FHIT: variants seen among roughly 807,000 people sequenced by gnomAD.
FHIT encodes bis(5'-adenosyl)-triphosphatase.
Under a neutral mutation model 17.9 loss-of-function variants are expected in FHIT, and 19 were observed. The observed-to-expected ratio is 1.06, with a 90% CI of 0.74 to 1.56. The LOEUF (loss-of-function observed/expected upper bound fraction) is 1.56, where lower values mean the gene tolerates loss of function less well. FHIT is among the 40% of genes most tolerant of loss of function. FHIT has a pLI of 0.00. For missense variants in FHIT, 248 were observed against 189.2 expected (o/e 1.31, Z -1.82); for synonymous variants, 81 against 69.7 (o/e 1.16, Z -0.81).
intron 4 of FHIT, among the ~76,000 whole-genome samples, chr3:60,602,761 A>C (rs2856027): frequency 1.3e-5 from 2 of 151,914 alleles, no homozygotes; most frequent in Non-Finnish European, 2.9e-5. Context: ...CCAAGGTGAC[A>C]GTATTAGGCA....
At chr3:60,987,224 C>A (rs866568722) in intron 3 of FHIT, among the ~76,000 whole-genome samples, 2 of 152,186 alleles carry the variant, frequency 1.3e-5, no homozygotes, top group East Asian at 3.9e-4. Context: ...GGGAGCAGGC[C>A]CCCCAAAATC....
chr3:60,628,665 C>T (rs1432025341), intron 4 of FHIT, among the ~76,000 whole-genome samples: 2 of 152,168 alleles, frequency 1.3e-5, no homozygotes, highest in African/African-American at 4.8e-5. Flanking sequence ...TCTAGGTAAT[C>T]GATGGGTTAG....
chr3:60,877,200 C>T (rs1559794510), intron 3 of FHIT, among the ~76,000 whole-genome samples: 2 of 152,202 alleles, frequency 1.3e-5, no homozygotes, highest in Non-Finnish European at 2.9e-5. Flanking sequence ...ACTGGAACTA[C>T]TGCTGAAGTG....
At chr3:60,204,218 C>T (rs1413056993) in intron 5 of FHIT, among the ~76,000 whole-genome samples, 3 of 151,830 alleles carry the variant, frequency 2.0e-5, no homozygotes, top group East Asian at 1.9e-4. Flanking sequence ...ACTATGTACC[C>T]GTGAAAATGA....
chr3:59,786,880 C>T (rs1469377852), intron 8 of FHIT, among the ~76,000 whole-genome samples: 1 of 152,226 alleles, frequency 6.6e-6, no homozygotes, highest in African/African-American at 2.4e-5. Context: ...AGGTGCCAAA[C>T]CCAAATGCTT....
intron 5 of FHIT, among the ~76,000 whole-genome samples, chr3:60,130,789 G>GTATA (rs1395189482): frequency 0.05 from 6,770 of 136,042 alleles, 541 homozygotes; most frequent in African/African-American, 0.17. Flanking sequence ...TGTGTGGTGT[G>GTATA]TATATACACA....
intron 3 of FHIT, among the ~76,000 whole-genome samples, chr3:60,921,210 A>G (rs1707262529): frequency 6.6e-6 from 1 of 152,218 alleles, no homozygotes; most frequent in African/African-American, 2.4e-5. Context: ...ATTTTTCGGT[A>G]TGGCTGAACC....
chr3:60,149,764 T>G (rs978861509), intron 5 of FHIT, among the ~76,000 whole-genome samples: 1 of 151,874 alleles, frequency 6.6e-6, no homozygotes, highest in Admixed American at 6.6e-5. Context: ...AGGCACATCT[T>G]ACTCCCCTAT....
intron 5 of FHIT, among the ~76,000 whole-genome samples, chr3:60,153,364 GAAAAAAAAAA>G (rs71089587): frequency 5.6e-5 from 6 of 106,536 alleles, no homozygotes; most frequent in Non-Finnish European, 7.5e-5. Flanking sequence ...CAATTCACCA[GAAAAAAAAAA>G]AAAAAAAAAA....
intron 5 of FHIT, among the ~76,000 whole-genome samples, chr3:60,188,064 A>T (rs1335453162): frequency 6.6e-6 from 1 of 152,092 alleles, no homozygotes; most frequent in Non-Finnish European, 1.5e-5. Flanking sequence ...ATAGATTCCA[A>T]GCACATTTTC....
intron 3 of FHIT, among the ~76,000 whole-genome samples, chr3:60,924,843 C>A (rs1353410683): frequency 6.6e-6 from 1 of 151,988 alleles, no homozygotes; most frequent in Admixed American, 6.5e-5. Flanking sequence ...ACTAGAATAA[C>A]CAATGCAGAG....
intron 1 of FHIT, among the ~76,000 whole-genome samples, chr3:61,203,606 T>C (rs913197176): frequency 6.6e-6 from 1 of 152,160 alleles, no homozygotes; most frequent in Non-Finnish European, 1.5e-5. Context: ...GTAACTTTAA[T>C]AATAAGTAAT....
chr3:60,816,821 C>T (rs1175722574), intron 4 of FHIT, among the ~76,000 whole-genome samples: 1 of 151,948 alleles, frequency 6.6e-6, no homozygotes, highest in African/African-American at 2.4e-5. Context: ...CTTCTTTGTA[C>T]ATCAGGTAGA....
At chr3:60,452,643 C>G (rs1369658319) in intron 5 of FHIT, among the ~76,000 whole-genome samples, 1 of 152,170 alleles carries the variant, frequency 6.6e-6, no homozygotes, top group Non-Finnish European at 1.5e-5. Flanking sequence ...AGTGCCTTCT[C>G]TCAAGCTGAT....
At chr3:59,751,920 G>A in intron 9 of FHIT, 1 of 325,504 alleles carries the variant, frequency 3.1e-6, no homozygotes, top group East Asian at 4.7e-5. Context: ...CAGAAGGTCT[G>A]CTTTGTGAAC....
At chr3:60,499,027 A>T (rs566848898) in intron 5 of FHIT, among the ~76,000 whole-genome samples, 23 of 135,756 alleles carry the variant, frequency 1.7e-4, no homozygotes, top group Non-Finnish European at 3.4e-4. Flanking sequence ...AGCGTGATAG[A>T]TGTGAACTAT....
chr3:60,154,112 C>A (rs566573941), intron 5 of FHIT, among the ~76,000 whole-genome samples: 13 of 152,310 alleles, frequency 8.5e-5, no homozygotes, highest in Non-Finnish European at 7.4e-5. Flanking sequence ...ACAGAACTGC[C>A]ATTAACCCAC....
At chr3:60,680,951 C>A (rs1325951886) in intron 4 of FHIT, among the ~76,000 whole-genome samples, 2 of 152,172 alleles carry the variant, frequency 1.3e-5, no homozygotes, top group Non-Finnish European at 2.9e-5. Context: ...ACGTACAAAG[C>A]AAACATTTTA....
At chr3:60,355,185 A>G (rs1177964634) in intron 5 of FHIT, among the ~76,000 whole-genome samples, 2 of 152,202 alleles carry the variant, frequency 1.3e-5, no homozygotes, top group African/African-American at 2.4e-5. Flanking sequence ...TCCACTCGTC[A>G]TGTAACACTG....
Sources: gnomAD v4.1 joint callset for allele counts (sites outside exome capture counted in the v4.1 genomes callset) on GRCh38, gnomAD v4.1.1 for gene constraint, MANE v1.5 for transcripts, NCBI Gene and HGNC (gene_info 2026-07-23, HGNC 2026-07-21) for gene names.